The following CSTF3 variants were observed in gnomAD, a reference collection of about 807,000 sequenced individuals.
The protein encoded by CSTF3 is cleavage stimulation factor subunit 3.
A neutral mutation model predicts 105.8 loss-of-function variants in CSTF3; 29 were observed. That is an observed-to-expected ratio of 0.27 (90% CI 0.20 to 0.37). CSTF3 has a LOEUF of 0.37. Ranked by LOEUF, CSTF3 falls within the 10% of genes least tolerant of loss-of-function variation. The probability of loss-of-function intolerance (pLI) is 1.00; values close to 1 mark genes in which losing one functional copy is unlikely to be tolerated. For missense variants in CSTF3, 357 were observed against 879.3 expected (o/e 0.41, Z 7.51); for synonymous variants, 252 against 281.9 (o/e 0.89, Z 1.06).
At chr11:33,147,082 G>A (rs1855793290) in intron 1 of CSTF3, among the ~76,000 whole-genome samples, 1 of 151,650 alleles carries the variant, frequency 6.6e-6, no homozygotes, top group Admixed American at 6.6e-5. Flanking sequence ...CTTGAGGCCA[G>A]AAGTTCAAGA....
intron 15 of CSTF3, 143 bp downstream of exon 15, chr11:33,096,163 T>C: frequency 1.8e-6 from 1 of 546,764 alleles, no homozygotes; most frequent in Non-Finnish European, 3.1e-6. Flanking sequence ...ATGGTTGATA[T>C]ACCACAAGTA....
intron 1 of CSTF3, among the ~76,000 whole-genome samples, chr11:33,148,692 C>G (rs1855815941): frequency 7.3e-6 from 1 of 136,470 alleles, no homozygotes; most frequent in South Asian, 2.7e-4. Flanking sequence ...GAGACTCCAT[C>G]TCAAAAAAAA....
intron 3 of CSTF3, among the ~76,000 whole-genome samples, chr11:33,138,232 T>A (rs1418532446): frequency 2.6e-5 from 4 of 151,742 alleles, no homozygotes; most frequent in Non-Finnish European, 4.4e-5. Flanking sequence ...ATAAAAAACA[T>A]GCTTCAGTAA....
intron 1 of CSTF3, among the ~76,000 whole-genome samples, chr11:33,143,558 A>T (rs4756073): frequency 6.6e-6 from 1 of 151,816 alleles, no homozygotes; most frequent in Admixed American, 6.6e-5. Context: ...AAGACCAGCC[A>T]GGCTAACATG....
intron 3 of CSTF3, among the ~76,000 whole-genome samples, chr11:33,121,968 G>C (rs186852524): frequency 1.4e-4 from 22 of 152,266 alleles, no homozygotes; most frequent in Admixed American, 1.4e-3. Flanking sequence ...CAAAGAAACT[G>C]AGCTCCTGGC....
At position 33,091,758 on chromosome 11, in the gene CSTF3, G is replaced by T. The variant is rs150573120; in HGVS notation, c.1445+513C>A. Among the ~76,000 whole-genome samples the T allele has an allele frequency of 8.5e-4, 129 of 152,158 alleles. 2 individuals carry two copies. The South Asian group carries it at 0.018, about 22-fold the overall frequency. ...GAGTCTCACTCTGTCACCCAGGCTGGAGTGCAGAGGTGTGATCACAGCTCA... is the reference window on the plus strand; with the variant it reads ...GAGTCTCACTCTGTCACCCAGGCTGTAGTGCAGAGGTGTGATCACAGCTCA... On this transcript the variant is annotated intron_variant, in intron 16 of 20. Transcript: ENST00000323959.
chr11:33,161,303 T>C lies in CSTF3; in HGVS notation c.23A>G (p.Glu8Gly). MSGDGAT[E>G]QAAEYVPEKV... ...CCCACCACTCTCCTTCCTCACCTGC[T>C]CCGTGGCTCCGTCTCCTGACATGGC... The change falls in exon 1 of 21, where the codon GAG becomes GGG. Residue 8 changes from glutamate (E) to glycine (G), a missense_variant. Transcript: ENST00000323959. The C allele has an allele frequency of 6.2e-7, 1 of 1,613,230 alleles. No individual in the cohort carries two copies. Among genetic ancestry groups the C allele is most frequent in the Non-Finnish European group, 8.5e-7 (1 of 1,180,000 alleles).
intron 3 of CSTF3, among the ~76,000 whole-genome samples, chr11:33,122,361 T>C (rs909253017): frequency 6.6e-6 from 1 of 152,322 alleles, no homozygotes; most frequent in East Asian, 1.9e-4. Context: ...CATGACCTTA[T>C]TGAAAATCTG....
At chr11:33,117,661 C>T (rs1855445668) in intron 3 of CSTF3, among the ~76,000 whole-genome samples, 1 of 78,256 alleles carries the variant, frequency 1.3e-5, no homozygotes, top group African/African-American at 4.2e-5. Context: ...GCTCTCAGCA[C>T]AATATATATA....
intron 14 of CSTF3, 78 bp downstream of exon 14, chr11:33,096,757 A>G (rs1211753389): frequency 2.4e-5 from 33 of 1,367,870 alleles, no homozygotes; most frequent in Non-Finnish European, 3.3e-5. Flanking sequence ...TTAATGACAG[A>G]AGCTAAAATC....
chr11:33,161,232 T>G (rs1445657929), intron 1 of CSTF3, 67 bp downstream of exon 1: 2 of 1,580,748 alleles, frequency 1.3e-6, no homozygotes, highest in Admixed American at 1.7e-5. Context: ...CGAACATGTC[T>G]GGAGCAGTCG....
intron 17 of CSTF3, 61 bp from the exon 18 acceptor site, chr11:33,087,202 G>A: frequency 1.3e-6 from 2 of 1,553,884 alleles, no homozygotes; most frequent in Non-Finnish European, 1.8e-6. Flanking sequence ...GAATAATCAT[G>A]CAATAACCTT....
chr11:33,098,896 T>C (rs1855251748), intron 12 of CSTF3, 132 bp from the exon 13 acceptor site: 1 of 1,355,488 alleles, frequency 7.4e-7, no homozygotes, highest in East Asian at 2.4e-5. Flanking sequence ...TAGTATAAGC[T>C]GACAACTAAT....
At chr11:33,123,904 A>G (rs1167891058) in intron 3 of CSTF3, among the ~76,000 whole-genome samples, 1 of 152,028 alleles carries the variant, frequency 6.6e-6, no homozygotes, top group Non-Finnish European at 1.5e-5. Context: ...ACATATACAT[A>G]TGTGTATACA....
chr11:33,095,487 A>G (rs1447819752), intron 15 of CSTF3, among the ~76,000 whole-genome samples: 2 of 152,230 alleles, frequency 1.3e-5, no homozygotes, highest in African/African-American at 4.8e-5. Context: ...AACTCAATAA[A>G]GGATGGCCAG....
Position 33,099,569 on chromosome 11 carries a change from A to C in CSTF3, c.936+39T>G, listed in dbSNP as rs777431519. ...AGTAAATAATTGCTATATCAAAACCACAAAAATATCAAAGTGGGGATAGGG... is the reference window on the plus strand; with the variant it reads ...AGTAAATAATTGCTATATCAAAACCCCAAAAATATCAAAGTGGGGATAGGG... On this transcript the variant is annotated intron_variant, in intron 11 of 20. Coordinates refer to ENST00000323959, the MANE Select transcript of CSTF3 (RefSeq NM_001326.3). The surrounding 1 kb of genome is among the most constrained non-coding windows in gnomAD (Gnocchi z 4.1). 2.2e-6 allele frequency: 3 copies of C among 1,357,036 alleles called. No homozygotes were observed. Among genetic ancestry groups the C allele is most frequent in the Non-Finnish European group, 3.1e-6 (3 of 967,106 alleles). The allele number at this position is 1,357,036 out of a possible 1,614,324, so 84.1% of individuals were successfully genotyped here.
Position 33,103,129 on chromosome 11 carries a change from A to G in CSTF3, c.641T>C (p.Met214Thr). Residue 214 changes from methionine to threonine, a missense_variant, in exon 9 of 21, where the codon ATG becomes ACG. By Grantham distance (81) the Met-to-Thr change is moderately conservative (BLOSUM62 -1). Coordinates refer to ENST00000323959, the MANE Select transcript of CSTF3 (RefSeq NM_001326.3). The stretch of plus-strand genomic sequence containing the variant: ...TACCTTTGCTACACGTCTAGCATTC[A>G]TATAATCTCTACTCCGATCTTCAAT... ...KMIEDRSRDY[M>T]NARRVAKEYE... 2 of 1,576,220 alleles carry G rather than the reference A, an allele frequency of 1.3e-6. No homozygotes were observed. The highest frequency in any genetic ancestry group is 1.7e-6 in the Non-Finnish European group (2 of 1,163,796).
At chr11:33,108,440 T>A in intron 3 of CSTF3, 22 bp from the exon 4 acceptor site, 1 of 1,445,886 alleles carries the variant, frequency 6.9e-7, no homozygotes, top group Non-Finnish European at 9.2e-7. Flanking sequence ...CAGAAAAATA[T>A]AGAATTAATA....
intron 3 of CSTF3, among the ~76,000 whole-genome samples, chr11:33,112,581 C>T (rs1256326885): frequency 6.6e-6 from 1 of 152,116 alleles, no homozygotes; most frequent in Non-Finnish European, 1.5e-5. Context: ...CTATAATTGG[C>T]CCATTTGATG....
Sources: allele counts gnomAD v4.1 joint callset (sites outside exome capture counted in the v4.1 genomes callset), GRCh38; gene constraint gnomAD v4.1.1; non-coding constraint Gnocchi (gnomAD v3.1); transcripts MANE v1.5; gene names NCBI Gene and HGNC (gene_info 2026-07-23, HGNC 2026-07-21).